The following FLT1 variants were observed in gnomAD, a reference collection of about 807,000 sequenced individuals.
FLT1 encodes the protein fms related receptor tyrosine kinase 1, also known as vascular endothelial growth factor receptor 1.
In FLT1, 49 loss-of-function variants were observed where a neutral mutation model predicts 156.3. The ratio of observed to expected loss-of-function variants is 0.31; its 90% CI spans 0.25 to 0.40. FLT1 has a LOEUF of 0.40. Ranked by LOEUF, FLT1 falls within the 10% of genes least tolerant of loss-of-function variation. The pLI, the probability that FLT1 is intolerant of heterozygous loss-of-function variation, is 1.00. For synonymous variants in FLT1, 594 were observed against 583.8 expected, an observed-to-expected ratio of 1.02 and a Z score of -0.25; for missense variants, 1,322 against 1,637.2, an observed-to-expected ratio of 0.81 and a Z score of 3.32.
At chr13:28,379,509 C>T (rs1034344320) in intron 14 of FLT1, among the ~76,000 whole-genome samples, 4 of 152,106 alleles carry the variant, frequency 2.6e-5, no homozygotes, top group Non-Finnish European at 5.9e-5. Context: ...GAAGTTAGTG[C>T]TAACGAGCTG....
intron 3 of FLT1, among the ~76,000 whole-genome samples, chr13:28,450,419 C>T (rs61599981): frequency 0.077 from 11,677 of 152,022 alleles, 1,438 homozygotes; most frequent in African/African-American, 0.27. Flanking sequence ...AGCTGGCTGG[C>T]GGTTTCTAGG....
chr13:28,411,661 G>A (rs1161269956), intron 10 of FLT1, among the ~76,000 whole-genome samples: 1 of 151,648 alleles, frequency 6.6e-6, no homozygotes, highest in Non-Finnish European at 1.5e-5. Context: ...AGCATGTTCT[G>A]GGATGAAGCT....
In FLT1 at chr13:28,345,544, C is replaced by T. The variant is rs372581866; in HGVS notation, c.2256G>A (p.Ser752=). 7.9e-5 allele frequency: 127 copies of T among 1,603,840 alleles called. No individual in the cohort carries two copies. The highest frequency in any genetic ancestry group is 2.3e-4 in the Admixed American group (14 of 59,654). ...SSAYLTVQGT[S]DKSNLELITL... ...TGATCAGCTCCAGATTAGACTTGTC[C>T]GAGGTTCCTGGAGAGAAAAAAAATC... The change falls in exon 16 of 30, where the codon TCG becomes TCA. Residue 752 remains serine (S), a synonymous_variant. Transcript: ENST00000282397.
intron 15 of FLT1, among the ~76,000 whole-genome samples, chr13:28,348,911 C>A (rs1032240250): frequency 7.0e-6 from 1 of 143,688 alleles, no homozygotes; most frequent in East Asian, 2.0e-4. Flanking sequence ...AGCGAGACTC[C>A]GTCTCAAAAA....
At chr13:28,392,524 A>G (rs1184495168) in intron 12 of FLT1, among the ~76,000 whole-genome samples, 1 of 152,196 alleles carries the variant, frequency 6.6e-6, no homozygotes, top group African/African-American at 2.4e-5. Flanking sequence ...TGGTAGTTAG[A>G]ACCCAAGTGA....
At chr13:28,461,809 C>T (rs1239366656) in intron 3 of FLT1, among the ~76,000 whole-genome samples, 1 of 151,998 alleles carries the variant, frequency 6.6e-6, no homozygotes, top group East Asian at 1.9e-4. Flanking sequence ...AGTTATATAC[C>T]CAATGTGTCC....
At chr13:28,366,546 T>C (rs769240905) in intron 14 of FLT1, among the ~76,000 whole-genome samples, 3 of 152,070 alleles carry the variant, frequency 2.0e-5, no homozygotes, top group Admixed American at 6.6e-5. Flanking sequence ...CTCGGCTCAC[T>C]GCAACCTCCG....
At chr13:28,388,992 CCT>C in intron 13 of FLT1, 8 of 1,065,036 alleles carry the variant, frequency 7.5e-6, no homozygotes, top group Non-Finnish European at 9.1e-6. Context: ...TGCATAATTA[CCT>C]GGATCGCATG....
rs1005839473 is a variant in FLT1 at position 28,313,691 on chromosome 13, G to A, written c.3387-1593C>T. 7.2e-5 allele frequency among the ~76,000 whole-genome samples: 11 copies of A among 152,148 alleles called. No individual in the cohort carries two copies. In the East Asian group the frequency reaches 9.6e-4, roughly 13 times the overall value. On this transcript the variant is annotated intron_variant, in intron 25 of 29. Transcript: ENST00000282397. ...CTTCTGTGAATTCTTCAGCTGTACT[G>A]CAGACATTACTTGTGCTGGGAGATG...
At chr13:28,430,319 A>G in intron 7 of FLT1, 152 bp from the exon 8 acceptor site, 1 of 671,876 alleles carries the variant, frequency 1.5e-6, no homozygotes, top group Non-Finnish European at 2.7e-6. Context: ...TTGATCATGA[A>G]TAGGATACTT....
chr13:28,481,442 T>TACACACACACACAC (rs397687323), intron 1 of FLT1, among the ~76,000 whole-genome samples: 38 of 142,646 alleles, frequency 2.7e-4, no homozygotes, highest in African/African-American at 7.3e-4. Flanking sequence ...CCTCCGCTTA[T>TACACACACACACAC]ACACACACAC....
In FLT1 at chr13:28,306,544, T is replaced by C. The variant is rs561470698; in HGVS notation, c.3815+134A>G. On this transcript the variant is annotated intron_variant, in intron 29 of 29. Transcript: ENST00000282397. ...TTTTTGCCCTCTGGGGGGAAATGGT[T>C]TTCTGCAACTCCCGGATACCACAGT... The C allele has an allele frequency of 2.7e-4, 191 of 719,642 alleles. 1 individual carries two copies. The South Asian group carries it at 2.7e-3, about 10-fold the overall frequency. The allele number at this position is 719,642 out of a possible 1,614,324, so 44.6% of individuals were successfully genotyped here.
In FLT1 at chr13:28,427,187, G is replaced by C; in HGVS notation, c.1408C>G (p.Pro470Ala). 1 of 1,614,050 alleles carries C rather than the reference G, an allele frequency of 6.2e-7. No individual in the cohort carries two copies. The highest frequency in any genetic ancestry group is 1.3e-5 in the African/African-American group (1 of 75,018). ...GCTTCGGAATGATTATGGTTACAGG[G>C]GTGCCAGAACCACTTGATTGTAGGT... is the stretch of plus-strand genomic sequence containing the variant. The part of the protein sequence containing the change: ...PQPTIKWFWH[P>A]CNHNHSEARC... Residue 470 changes from proline to alanine, a missense_variant, in exon 10 of 30, where the codon CCC (proline) becomes GCC (alanine). This residue lies in a region of FLT1 where 991 missense variants were observed against 1,254.8 expected (regional missense o/e 0.79). Coordinates refer to ENST00000282397, the MANE Select transcript of FLT1 (RefSeq NM_002019.4).
Position 28,345,458 on chromosome 13 carries a change from C to T in FLT1, c.2342G>A (p.Arg781Gln), listed in dbSNP as rs553261958. ...LFWLLLTLFI[R>Q]KMKRSSSEIK... ...CTATGTTCTTACCCTTTTCATTTTTCGGATAAAGAGGGTTAATAGGAGCCA... is the reference window on the plus strand; with the variant it reads ...CTATGTTCTTACCCTTTTCATTTTTTGGATAAAGAGGGTTAATAGGAGCCA... The change falls in exon 16 of 30, where the codon CGA (arginine) becomes CAA (glutamine). Residue 781 changes from arginine to glutamine, a missense_variant. Physicochemically the swap from Arg to Gln is conservative, Grantham distance 43. Coordinates refer to ENST00000282397, the MANE Select transcript of FLT1 (RefSeq NM_002019.4). 30 of 1,602,996 alleles carry T rather than the reference C, an allele frequency of 1.9e-5. No homozygotes were observed. The highest frequency in any genetic ancestry group is 5.5e-5 in the South Asian group (5 of 90,482).
chr13:28,318,221 C>T (rs893976449), intron 24 of FLT1, among the ~76,000 whole-genome samples: 1 of 152,136 alleles, frequency 6.6e-6, no homozygotes, highest in African/African-American at 2.4e-5. Context: ...TTTCTTGCAA[C>T]CTTCCTATAG....
At chr13:28,306,806 C>T (rs2138807312) in intron 28 of FLT1, 34 bp from the exon 29 acceptor site, 1 of 1,475,688 alleles carries the variant, frequency 6.8e-7, no homozygotes, top group East Asian at 2.3e-5. Flanking sequence ...ATACTCTTGC[C>T]TGGCCCAGCG....
intron 3 of FLT1, among the ~76,000 whole-genome samples, chr13:28,455,288 C>A (rs112227866): frequency 0.067 from 10,178 of 152,084 alleles, 1,131 homozygotes; most frequent in African/African-American, 0.23. Flanking sequence ...GTGATATTGG[C>A]AAAAGGATAG....
At chr13:28,407,994 T>C (rs939127967) in intron 10 of FLT1, among the ~76,000 whole-genome samples, 6 of 152,336 alleles carry the variant, frequency 3.9e-5, no homozygotes, top group East Asian at 1.9e-4. Flanking sequence ...TGAGTGTATA[T>C]AATGTGCACA....
At chr13:28,381,988 T>C (rs1016437133) in intron 14 of FLT1, among the ~76,000 whole-genome samples, 2 of 152,080 alleles carry the variant, frequency 1.3e-5, no homozygotes, top group Non-Finnish European at 2.9e-5. Flanking sequence ...AAGACATAAA[T>C]AAGACAAATA....
Sources: gnomAD v4.1 joint callset for allele counts (sites outside exome capture counted in the v4.1 genomes callset) on GRCh38, gnomAD v4.1.1 for gene constraint, gnomAD v4.1.1 regional missense constraint, MANE v1.5 for transcripts, NCBI Gene and HGNC (gene_info 2026-07-23, HGNC 2026-07-21) for gene names.